ITGB1: variants seen among roughly 807,000 people sequenced by gnomAD.
The protein encoded by ITGB1 is integrin beta-1.
A neutral mutation model predicts 86.5 loss-of-function variants in ITGB1; 24 were observed. The ratio of observed to expected loss-of-function variants is 0.28; its 90% confidence interval spans 0.20 to 0.39. ITGB1 has a LOEUF of 0.39. Ranked by LOEUF, ITGB1 falls within the 10% of genes least tolerant of loss-of-function variation. The probability of loss-of-function intolerance (pLI) is 1.00; values close to 1 mark genes in which losing one functional copy is unlikely to be tolerated. For missense variants in ITGB1, 556 were observed against 946.9 expected (o/e 0.59, Z 5.42); for synonymous variants, 323 against 316.8 (o/e 1.02, Z -0.21).
intron 1 of ITGB1, among the ~76,000 whole-genome samples, chr10:32,937,554 C>CAAAAAAAAAAAAAAAAA (rs56280552): frequency 1.1e-5 from 1 of 91,912 alleles, no homozygotes; most frequent in Non-Finnish European, 2.0e-5. Flanking sequence ...GACTCCGTCT[C>CAAAAAAAAAAAAAAAAA]AAAAAAAAAA....
chr10:32,910,142 G>A, intron 14 of ITGB1, 81 bp downstream of exon 14: 1 of 1,019,054 alleles, frequency 9.8e-7, no homozygotes, highest in Non-Finnish European at 1.5e-6. Context: ...GCTGGAGGCT[G>A]TTTCTGGATG....
intron 11 of ITGB1, among the ~76,000 whole-genome samples, chr10:32,917,954 T>C (rs1294586725): frequency 3.9e-5 from 6 of 152,136 alleles, no homozygotes; most frequent in Non-Finnish European, 8.8e-5. Flanking sequence ...CAAATGTCCA[T>C]CAATGATAGA....
In ITGB1 at chr10:32,919,868, G is replaced by C; in HGVS notation, c.1469+17C>G. 1 of 1,611,756 alleles carries C rather than the reference G, an allele frequency of 6.2e-7. No individual in the cohort carries two copies. Among genetic ancestry groups the C allele is most frequent in the Non-Finnish European group, 8.5e-7 (1 of 1,178,038 alleles). On this transcript the variant is annotated intron_variant, in intron 11 of 15. Coordinates refer to ENST00000302278, the MANE Select transcript of ITGB1 (RefSeq NM_002211.4). ...AACCAATGTAGCTCTGTCACTGTCT[G>C]ACAACACCCAGCTTACCTGCACGCG...
At chr10:32,953,382 G>T (rs2137270473) in intron 1 of ITGB1, among the ~76,000 whole-genome samples, 1 of 152,258 alleles carries the variant, frequency 6.6e-6, no homozygotes, top group African/African-American at 2.4e-5. Context: ...ACTGAGTAAA[G>T]CATTTTTCAG....
chr10:32,908,789 C>T (rs1171261428), intron 14 of ITGB1, among the ~76,000 whole-genome samples: 1 of 151,964 alleles, frequency 6.6e-6, no homozygotes, highest in African/African-American at 2.4e-5. Flanking sequence ...ATATTTACTA[C>T]AGAATGAAAA....
At chr10:32,922,019 A>G (rs1455101966) in intron 9 of ITGB1, among the ~76,000 whole-genome samples, 2 of 152,170 alleles carry the variant, frequency 1.3e-5, no homozygotes, top group African/African-American at 4.8e-5. Context: ...ATAAACAAAC[A>G]GTTATTTGGA....
intron 11 of ITGB1, among the ~76,000 whole-genome samples, chr10:32,914,500 G>A (rs569692300): frequency 1.1e-3 from 163 of 152,200 alleles, no homozygotes; most frequent in African/African-American, 3.8e-3. Context: ...ACAAAAAAAG[G>A]CAGTGGTTGC....
chr10:32,951,403 GCACCAC>G (rs893526634), intron 1 of ITGB1, among the ~76,000 whole-genome samples: 2 of 151,290 alleles, frequency 1.3e-5, no homozygotes, highest in African/African-American at 4.9e-5. Flanking sequence ...AACTGGTACA[GCACCAC>G]CACCACCACC....
chr10:32,955,963 T>C (rs2095051392), intron 1 of ITGB1, among the ~76,000 whole-genome samples: 1 of 152,134 alleles, frequency 6.6e-6, no homozygotes, highest in Admixed American at 6.5e-5. Context: ...CACAGACGAG[T>C]TAAACAATCT....
chr10:32,938,612 C>T (rs186868884), intron 1 of ITGB1, among the ~76,000 whole-genome samples: 42 of 152,328 alleles, frequency 2.8e-4, no homozygotes, highest in African/African-American at 9.4e-4. Context: ...GAGCTCCAAA[C>T]CCGGAAGCAG....
chr10:32,908,790 AGAAT>A (rs1392583927), intron 14 of ITGB1, among the ~76,000 whole-genome samples: 2 of 152,226 alleles, frequency 1.3e-5, no homozygotes, highest in Non-Finnish European at 2.9e-5. Flanking sequence ...TATTTACTAC[AGAAT>A]GAAAAAGCAT....
chr10:32,951,178 T>C (rs2095041897), intron 1 of ITGB1, among the ~76,000 whole-genome samples: 1 of 151,928 alleles, frequency 6.6e-6, no homozygotes, highest in Non-Finnish European at 1.5e-5. Context: ...TTCAAGAAAG[T>C]CAGAAAATCT....
intron 5 of ITGB1, among the ~76,000 whole-genome samples, chr10:32,927,532 C>G (rs1223299448): frequency 1.3e-5 from 2 of 152,182 alleles, no homozygotes; most frequent in Non-Finnish European, 2.9e-5. Context: ...TGGCTCACGC[C>G]TGTAGTCCCA....
intron 6 of ITGB1, among the ~76,000 whole-genome samples, chr10:32,925,227 T>C (rs948244980): frequency 2.0e-5 from 3 of 152,190 alleles, no homozygotes; most frequent in Non-Finnish European, 4.4e-5. Context: ...TCAAAATACA[T>C]AGCTGCTACA....
At chr10:32,924,722 C>A (rs1199013671) in intron 6 of ITGB1, among the ~76,000 whole-genome samples, 4 of 152,160 alleles carry the variant, frequency 2.6e-5, no homozygotes, top group Non-Finnish European at 4.4e-5. Flanking sequence ...AGGTGTAAGG[C>A]TAGGTACTAC....
intron 13 of ITGB1, 36 bp from the exon 14 acceptor site, chr10:32,910,491 TTATTA>T: frequency 7.3e-7 from 1 of 1,377,282 alleles, no homozygotes; most frequent in Non-Finnish European, 1.0e-6. Context: ...TATTTACATT[TTATTA>T]TTTCAGTAAA....
intron 8 of ITGB1, 88 bp downstream of exon 8, chr10:32,922,552 G>A (rs1210573656): frequency 5.8e-6 from 5 of 861,466 alleles, no homozygotes; most frequent in Admixed American, 2.6e-5. Flanking sequence ...CTATCTGGTG[G>A]CATTTTCCCA....
At chr10:32,953,458 G>A (rs960228880) in intron 1 of ITGB1, 3 of 152,000 alleles carry the variant, frequency 2.0e-5, no homozygotes, top group African/African-American at 7.3e-5. Flanking sequence ...TCCTGATGCA[G>A]AGCTGACAGG....
intron 9 of ITGB1, among the ~76,000 whole-genome samples, chr10:32,921,148 C>T (rs547500772): frequency 7.2e-6 from 1 of 138,270 alleles, no homozygotes. Flanking sequence ...GCTTAAGGAA[C>T]CATTGTAGCC....
Sources: gnomAD v4.1 joint callset for allele counts (sites outside exome capture counted in the v4.1 genomes callset) on GRCh38, gnomAD v4.1.1 for gene constraint, MANE v1.5 for transcripts, NCBI Gene and HGNC (gene_info 2026-07-23, HGNC 2026-07-21) for gene names.